The following MYH9 variants were observed in gnomAD, a reference collection of about 807,000 sequenced individuals.
The protein encoded by MYH9 is myosin-9.
MYH9 carries 29 observed loss-of-function variants against 241.9 expected under a neutral mutation model. The ratio of observed to expected loss-of-function variants is 0.12; its 90% CI spans 0.09 to 0.16. MYH9 has a LOEUF of 0.16. MYH9 is among the 10% of genes least tolerant of loss of function. The probability of loss-of-function intolerance (pLI) is 1.00; values close to 1 mark genes in which losing one functional copy is unlikely to be tolerated. For synonymous variants in MYH9, 1,047 were observed against 1,062.6 expected (o/e 0.99, Z 0.29); for missense variants, 1,803 against 2,595.5 (o/e 0.69, Z 6.63).
At chr22:36,318,484 G>A (rs565842502) in intron 10 of MYH9, among the ~76,000 whole-genome samples, 159 bp from the exon 11 acceptor site, 2 of 152,258 alleles carry the variant, frequency 1.3e-5, no homozygotes, top group East Asian at 3.9e-4. Flanking sequence ...CAGGACAACC[G>A]CATCTGGGCC....
intron 1 of MYH9, among the ~76,000 whole-genome samples, chr22:36,367,177 A>T (rs1339931698): frequency 1.3e-5 from 2 of 152,098 alleles, no homozygotes; most frequent in African/African-American, 2.4e-5. Context: ...TTGAGGCAGG[A>T]TCTCTTCCTT....
At chr22:36,327,845 G>A (rs1380171223) in intron 3 of MYH9, among the ~76,000 whole-genome samples, 3 of 152,172 alleles carry the variant, frequency 2.0e-5, no homozygotes, top group Non-Finnish European at 2.9e-5. Context: ...TGTTTATAAC[G>A]GGGTGGGGGG....
In MYH9 at chr22:36,320,114, G is replaced by A. The variant is rs2017226284; in HGVS notation, c.1012+106C>T. On this transcript the variant is annotated intron_variant, in intron 9 of 40. Transcript: ENST00000216181. This position sits in a 1 kb window ranked among gnomAD's most constrained non-coding sequence, Gnocchi z 4.8. Reference sequence around the variant, plus strand: ...CACTGAAGGCCTTCCCCTTCCCCTGGCCTCTAGCAGGCTCCCCAGGCCCAT... The same window carrying A: ...CACTGAAGGCCTTCCCCTTCCCCTGACCTCTAGCAGGCTCCCCAGGCCCAT... The A allele has an allele frequency of 6.6e-7, 1 of 1,511,038 alleles. No homozygotes were observed. Among genetic ancestry groups the A allele is most frequent in the African/African-American group, 1.4e-5 (1 of 72,674 alleles). 93.6% of individuals were successfully genotyped at this position (1,511,038 alleles called of 1,614,324 possible). A position where few individuals can be genotyped will look rare whatever the true frequency, so the allele number is the denominator to read the frequency against.
chr22:36,370,168 T>C (rs987267457), intron 1 of MYH9, among the ~76,000 whole-genome samples: 1 of 152,150 alleles, frequency 6.6e-6, no homozygotes, highest in Non-Finnish European at 1.5e-5. Context: ...CAAAGAAAGA[T>C]TGTATGACTC....
intron 1 of MYH9, among the ~76,000 whole-genome samples, chr22:36,368,827 G>C (rs1208086838): frequency 6.7e-6 from 1 of 149,654 alleles, no homozygotes; most frequent in African/African-American, 2.5e-5. Context: ...GCCCTGCAAA[G>C]CCCGGAAGAG....
chr22:36,333,024 G>C (rs2017447931), intron 3 of MYH9, among the ~76,000 whole-genome samples: 1 of 152,142 alleles, frequency 6.6e-6, no homozygotes, highest in Admixed American at 6.5e-5. Context: ...GAAAAGGAAA[G>C]ACAAAGCAGG....
intron 19 of MYH9, 99 bp downstream of exon 19, chr22:36,303,896 G>T: frequency 7.0e-7 from 1 of 1,426,252 alleles, no homozygotes; most frequent in Non-Finnish European, 9.7e-7. Flanking sequence ...TGACAGGCAT[G>T]TGACTGGCTG....
intron 30 of MYH9, 104 bp from the exon 31 acceptor site, chr22:36,292,338 G>A: frequency 6.7e-7 from 1 of 1,495,328 alleles, no homozygotes; most frequent in Non-Finnish European, 9.2e-7. Context: ...CCGTGGAAGG[G>A]GCACCAGGGA....
intron 6 of MYH9, 81 bp from the exon 7 acceptor site, chr22:36,321,902 CG>C (rs2046145625): frequency 1.6e-6 from 2 of 1,243,922 alleles, no homozygotes; most frequent in South Asian, 2.4e-5. Flanking sequence ...CACAGCCCCC[CG>C]CCCCACCTCC....
chr22:36,374,754 G>A (rs945462325), intron 1 of MYH9, among the ~76,000 whole-genome samples: 4 of 152,182 alleles, frequency 2.6e-5, no homozygotes, highest in Admixed American at 6.5e-5. Flanking sequence ...TTCACGGGCC[G>A]TCTTGGCCTA....
chr22:36,302,273 C>T, intron 20 of MYH9: 1 of 358,160 alleles, frequency 2.8e-6, no homozygotes, highest in Non-Finnish European at 5.4e-6. Flanking sequence ...GCAGCCCGGA[C>T]AAGTTTAAAA....
At chr22:36,356,787 G>A (rs972285912) in intron 1 of MYH9, among the ~76,000 whole-genome samples, 6 of 152,184 alleles carry the variant, frequency 3.9e-5, no homozygotes, top group Non-Finnish European at 5.9e-5. Flanking sequence ...AGGTGACTAG[G>A]TGGAGTGTCC....
rs142807257 is a variant in MYH9, at chr22:36,355,824, G to A, written c.-19-6569C>T. Among the ~76,000 whole-genome samples the A allele has an allele frequency of 3.9e-3, 599 of 152,262 alleles. 7 individuals are homozygous for A. The highest frequency in any genetic ancestry group is 0.014 in the African/African-American group (571 of 41,544). On this transcript the variant is annotated intron_variant, in intron 1 of 40. Coordinates refer to ENST00000216181, the MANE Select transcript of MYH9 (RefSeq NM_002473.6). Reference sequence around the variant, plus strand: ...ACTGGTGAGGTCAAGGGGGCTACAAGAAGCAAACAAACAGAGAACCCCCCC... The same window carrying A: ...ACTGGTGAGGTCAAGGGGGCTACAAAAAGCAAACAAACAGAGAACCCCCCC...
intron 9 of MYH9, 134 bp from the exon 10 acceptor site, chr22:36,319,769 G>A (rs1237885407): frequency 2.3e-6 from 2 of 885,654 alleles, no homozygotes; most frequent in Admixed American, 2.0e-5. Context: ...TGGGGCCACA[G>A]GGGCGCCAGG....
intron 38 of MYH9, among the ~76,000 whole-genome samples, chr22:36,284,837 T>C (rs944549810): frequency 5.9e-5 from 9 of 152,106 alleles, no homozygotes; most frequent in African/African-American, 2.2e-4. Flanking sequence ...AGGACAACTG[T>C]CCTAGTGGGC....
intron 21 of MYH9, 52 bp downstream of exon 21, chr22:36,301,482 G>T: frequency 1.2e-6 from 2 of 1,608,512 alleles, no homozygotes; most frequent in Middle Eastern, 1.7e-4. Context: ...GCCAGCAGGT[G>T]GCAGCACCAG....
intron 1 of MYH9, among the ~76,000 whole-genome samples, chr22:36,372,808 G>A (rs890164759): frequency 6.6e-6 from 1 of 152,140 alleles, no homozygotes; most frequent in East Asian, 1.9e-4. Context: ...TTTCCCATAA[G>A]CAAACGACTT....
chr22:36,342,005 A>G (rs151275264), intron 2 of MYH9, among the ~76,000 whole-genome samples: 36 of 152,368 alleles, frequency 2.4e-4, no homozygotes, highest in Admixed American at 9.1e-4. Flanking sequence ...CTAGCACTGG[A>G]AAAACGCACT....
Position 36,285,737 on chromosome 22 carries a change from G to A in MYH9, c.5195C>T (p.Ala1732Val). Residue 1732 changes from alanine to valine, a missense_variant, in exon 37 of 41, where the codon GCC becomes GTC. Coordinates refer to ENST00000216181, the MANE Select transcript of MYH9 (RefSeq NM_002473.6). The surrounding 1 kb of genome is among the most constrained non-coding windows in gnomAD (Gnocchi z 7.0). The part of the protein sequence containing the change: ...EEKRRLEARI[A>V]QLEEELEEEQ... ...CTCCTCCAGCTCCTCCTCCAGCTGG[G>A]CGATGCGGGCCTCCAGACGCCGCTT... 1 of 1,612,564 alleles carries A rather than the reference G, an allele frequency of 6.2e-7. No homozygotes were observed. Among genetic ancestry groups the A allele is most frequent in the Non-Finnish European group, 8.5e-7 (1 of 1,179,660 alleles).
Sources: allele counts gnomAD v4.1 joint callset (sites outside exome capture counted in the v4.1 genomes callset), GRCh38; gene constraint gnomAD v4.1.1; non-coding constraint Gnocchi (gnomAD v3.1); transcripts MANE v1.5; gene names NCBI Gene and HGNC (gene_info 2026-07-23, HGNC 2026-07-21).